Variants in FBXO47 observed in about 807,000 individuals in gnomAD.
The protein encoded by FBXO47 is F-box protein 47.
Under a neutral mutation model 53.9 loss-of-function variants are expected in FBXO47, and 34 were observed. The ratio of observed to expected loss-of-function variants is 0.63; its 90% CI spans 0.48 to 0.84. FBXO47 has a LOEUF of 0.84. Ranked by LOEUF, FBXO47 falls within the 40% of genes least tolerant of loss-of-function variation. The pLI, the probability that FBXO47 is intolerant of heterozygous loss-of-function variation, is 0.00. For synonymous variants in FBXO47, 165 were observed against 181.6 expected (o/e 0.91, Z 0.73); for missense variants, 485 against 541.3 (o/e 0.90, Z 1.03).
Position 38,951,624 on chromosome 17 carries a change from A to C in FBXO47, c.573T>G (p.Thr191=), listed in dbSNP as rs758607420. 2 of 1,614,106 alleles carry C rather than the reference A, an allele frequency of 1.2e-6. No homozygotes were observed. Among genetic ancestry groups the C allele is most frequent in the Non-Finnish European group, 1.7e-6 (2 of 1,179,982 alleles). ...HRVYNFLCEL[T]NLCRKIQMAV... is the part of the protein sequence containing the mutation. ...CCATTTGTATCTTGCGGCAGAGATT[A>C]GTCAGTTCGCATAAGAAATTATAAA... The change falls in exon 6 of 11, where the codon ACT becomes ACG. Residue 191 remains threonine, a synonymous_variant. Transcript: ENST00000378079.
At chr17:38,949,146 G>A (rs1905077177) in intron 6 of FBXO47, among the ~76,000 whole-genome samples, 1 of 152,110 alleles carries the variant, frequency 6.6e-6, no homozygotes, top group Non-Finnish European at 1.5e-5. Context: ...GCCAGGCATG[G>A]TGGCTCATGC....
intron 3 of FBXO47, among the ~76,000 whole-genome samples, chr17:38,961,123 T>A (rs1349280497): frequency 6.6e-6 from 1 of 152,182 alleles, no homozygotes; most frequent in African/African-American, 2.4e-5. Context: ...ATCCACATAT[T>A]CCTAATATCT....
intron 5 of FBXO47, among the ~76,000 whole-genome samples, chr17:38,954,649 G>C (rs78522966): frequency 1.0e-3 from 159 of 152,086 alleles, no homozygotes; most frequent in African/African-American, 3.6e-3. Context: ...ATAAATAAAT[G>C]TCAAACATTT....
At chr17:38,951,044 G>A (rs1030024882) in intron 6 of FBXO47, among the ~76,000 whole-genome samples, 1 of 151,980 alleles carries the variant, frequency 6.6e-6, no homozygotes, top group Non-Finnish European at 1.5e-5. Flanking sequence ...GAAACTACAG[G>A]TACATGCTAT....
intron 9 of FBXO47, among the ~76,000 whole-genome samples, chr17:38,940,283 T>C (rs1485963246): frequency 6.6e-6 from 1 of 151,864 alleles, no homozygotes; most frequent in Admixed American, 6.6e-5. Flanking sequence ...ACTTTAATGA[T>C]CAGAATTGAC....
chr17:38,955,958 C>CAA (rs34218216), intron 4 of FBXO47, among the ~76,000 whole-genome samples: 1,423 of 30,278 alleles, frequency 0.047, 202 homozygotes, highest in African/African-American at 0.15. Context: ...ACTCCATCTC[C>CAA]AAAAAAAAAA....
intron 1 of FBXO47, among the ~76,000 whole-genome samples, chr17:38,965,681 G>A (rs1175409219): frequency 2.2e-5 from 3 of 137,326 alleles, no homozygotes; most frequent in Non-Finnish European, 4.6e-5. Flanking sequence ...AGACCATCCT[G>A]GCTAACACGG....
intron 10 of FBXO47, 36 bp downstream of exon 10, chr17:38,938,537 T>A (rs760108618): frequency 6.7e-7 from 1 of 1,497,080 alleles, no homozygotes; most frequent in Non-Finnish European, 9.1e-7. Context: ...AGCGCATTTT[T>A]ACGCACACCT....
chr17:38,961,827 T>C (rs1194181575), intron 3 of FBXO47, 50 bp downstream of exon 3: 1 of 1,510,610 alleles, frequency 6.6e-7, no homozygotes, highest in East Asian at 2.3e-5. Flanking sequence ...TAAGTTTCTC[T>C]TAATTAAGCA....
intron 3 of FBXO47, among the ~76,000 whole-genome samples, chr17:38,957,817 G>C (rs1297529817): frequency 6.6e-6 from 1 of 151,052 alleles, no homozygotes; most frequent in Non-Finnish European, 1.5e-5. Context: ...CCTCGTGTGT[G>C]CCACCAAGCC....
intron 2 of FBXO47, among the ~76,000 whole-genome samples, chr17:38,962,619 A>G (rs1053579048): frequency 6.7e-6 from 1 of 148,204 alleles, no homozygotes; most frequent in African/African-American, 2.5e-5. Flanking sequence ...AATAATAATA[A>G]TAATAATAAT....
At chr17:38,963,843 C>T (rs1280906033) in intron 1 of FBXO47, among the ~76,000 whole-genome samples, 2 of 135,006 alleles carry the variant, frequency 1.5e-5, no homozygotes, top group African/African-American at 5.5e-5. Context: ...GTTGCCCAGG[C>T]TGGAGTGCAG....
chr17:38,944,848 ATGTGTGTGTGTG>A, intron 7 of FBXO47, 100 bp downstream of exon 7: 2 of 615,522 alleles, frequency 3.2e-6, no homozygotes, highest in Non-Finnish European at 5.4e-6. Context: ...GCGTGCATGC[ATGTGTGTGTGTG>A]TGTGTGTGTG....
At chr17:38,937,868 C>G (rs1211310368) in intron 10 of FBXO47, among the ~76,000 whole-genome samples, 2 of 152,010 alleles carry the variant, frequency 1.3e-5, no homozygotes, top group African/African-American at 4.8e-5. Flanking sequence ...CGGGGTTTCA[C>G]CGTGTTAGCC....
chr17:38,949,204 C>A (rs746471841), intron 6 of FBXO47, among the ~76,000 whole-genome samples: 36 of 151,882 alleles, frequency 2.4e-4, no homozygotes, highest in Non-Finnish European at 4.1e-4. Context: ...ATCACTTGAG[C>A]CCAGGAGTTT....
chr17:38,937,285 G>T lies in FBXO47; in HGVS notation c.1249C>A (p.Arg417Ser), dbSNP rs755406037. 2.6e-6 allele frequency: 4 copies of T among 1,532,386 alleles called. No individual in the cohort carries two copies. The African/African-American group carries it at 4.1e-5, about 16-fold the overall frequency. The allele number at this position is 1,532,386 out of a possible 1,614,324, so 94.9% of individuals were successfully genotyped here. A position where few individuals can be genotyped will look rare whatever the true frequency, so the allele number is the denominator to read the frequency against. ...EMLQSIMSGD[R>S]DEDDRSFLNL... ...AAAAAGCTTCTGTCATCTTCATCACGGTCTCCTATATGCCATACATAGTGG... is the reference window on the plus strand; with the variant it reads ...AAAAAGCTTCTGTCATCTTCATCACTGTCTCCTATATGCCATACATAGTGG... Residue 417 changes from arginine to serine, a missense_variant, in exon 11 of 11, where the codon CGT (arginine) becomes AGT (serine). By Grantham distance (110) the Arg-to-Ser change is moderately radical (BLOSUM62 -1). Transcript: ENST00000378079.
chr17:38,951,741 A>G (rs751681057), intron 5 of FBXO47, 52 bp from the exon 6 acceptor site: 8 of 1,394,850 alleles, frequency 5.7e-6, no homozygotes, highest in Non-Finnish European at 7.1e-6. Context: ...AAGTCAAAAC[A>G]TAAGTCACAC....
intron 3 of FBXO47, among the ~76,000 whole-genome samples, chr17:38,960,921 C>T (rs559013833): frequency 5.5e-4 from 83 of 152,034 alleles, no homozygotes; most frequent in Non-Finnish European, 1.0e-3. Flanking sequence ...TGTGAACCAC[C>T]GCAGCCAGCC....
intron 9 of FBXO47, 110 bp downstream of exon 9, chr17:38,942,668 A>C (rs370707395): frequency 1.5e-6 from 1 of 686,488 alleles, no homozygotes; most frequent in African/African-American, 1.8e-5. Context: ...ATACTTCAAT[A>C]CTCATTTTTA....
Sources: allele counts gnomAD v4.1 joint callset (sites outside exome capture counted in the v4.1 genomes callset), GRCh38; gene constraint gnomAD v4.1.1; transcripts MANE v1.5; gene names NCBI Gene and HGNC (gene_info 2026-07-23, HGNC 2026-07-21).